Variants in SYNPR observed in about 807,000 individuals in gnomAD.
The protein encoded by SYNPR is synaptoporin.
SYNPR carries 23 observed loss-of-function variants against 32.9 expected under a neutral mutation model. The observed-to-expected ratio is 0.70, with a 90% CI of 0.50 to 0.99. SYNPR has a LOEUF of 0.99. SYNPR is among the 50% of genes least tolerant of loss of function. The pLI is 0.00. For synonymous variants in SYNPR, 146 were observed against 135.9 expected, an observed-to-expected ratio of 1.07 and a Z score of -0.52; for missense variants, 318 against 349.3, an observed-to-expected ratio of 0.91 and a Z score of 0.71.
At chr3:63,540,094 C>G (rs1399385540) in intron 3 of SYNPR, among the ~76,000 whole-genome samples, 2 of 152,114 alleles carry the variant, frequency 1.3e-5, no homozygotes, top group African/African-American at 4.8e-5. Flanking sequence ...TTTATTTCAT[C>G]AGTTATAATA....
chr3:63,329,295 G>A (rs754138768), intron 2 of SYNPR, among the ~76,000 whole-genome samples: 3 of 151,858 alleles, frequency 2.0e-5, no homozygotes, highest in African/African-American at 4.8e-5. Flanking sequence ...AATTTAATGG[G>A]GTAGCTACTC....
At chr3:63,473,827 C>A (rs565648274) in intron 2 of SYNPR, among the ~76,000 whole-genome samples, 1 of 152,130 alleles carries the variant, frequency 6.6e-6, no homozygotes, top group Non-Finnish European at 1.5e-5. Flanking sequence ...GACTAGAATG[C>A]GGTAAGCTAG....
At chr3:63,241,633 T>TA (rs1342204588) in intron 1 of SYNPR, among the ~76,000 whole-genome samples, 1 of 152,042 alleles carries the variant, frequency 6.6e-6, no homozygotes, top group Admixed American at 6.6e-5. Flanking sequence ...TTAAAGTTGT[T>TA]ACGCCTGGAA....
chr3:63,554,318 C>G (rs1271371701), intron 3 of SYNPR, among the ~76,000 whole-genome samples: 3 of 152,120 alleles, frequency 2.0e-5, no homozygotes, highest in Non-Finnish European at 4.4e-5. Context: ...AGGGCATTTC[C>G]TAGGTTTTCT....
chr3:63,387,500 T>A (rs1318089487), intron 2 of SYNPR, among the ~76,000 whole-genome samples: 1 of 152,258 alleles, frequency 6.6e-6, no homozygotes, highest in Admixed American at 6.5e-5. Context: ...CTTAGCACCA[T>A]TATGATCCTA....
chr3:63,531,565 C>G (rs1473443174), intron 3 of SYNPR, among the ~76,000 whole-genome samples: 3 of 152,162 alleles, frequency 2.0e-5, no homozygotes, highest in Non-Finnish European at 2.9e-5. Context: ...GCAATGACCT[C>G]GCTTCCATAT....
Position 63,416,399 on chromosome 3 carries a change from G to A in SYNPR, c.85-64433G>A, listed in dbSNP as rs374839786. Among the ~76,000 whole-genome samples, 13 of 152,192 alleles carry A rather than the reference G, an allele frequency of 8.5e-5. No homozygotes were observed. In the East Asian group the frequency reaches 2.1e-3, roughly 25 times the overall value. ...ATAGAAAAATTAGCCAGGCGTGGTG[G>A]TGCGTGCCTGTAGTCCCAGCTATTC... On this transcript the variant is annotated intron_variant, in intron 2 of 5. Transcript: ENST00000478300.
chr3:63,409,227 G>T (rs966065190), intron 2 of SYNPR, among the ~76,000 whole-genome samples: 1 of 151,842 alleles, frequency 6.6e-6, no homozygotes, highest in African/African-American at 2.4e-5. Flanking sequence ...CAAAGCTTTT[G>T]TTTCTCATGT....
intron 2 of SYNPR, among the ~76,000 whole-genome samples, chr3:63,301,438 A>T (rs547097554): frequency 6.6e-6 from 1 of 152,272 alleles, no homozygotes. Flanking sequence ...AGACTCCATT[A>T]TAAGGCTTTA....
chr3:63,280,073 A>G (rs1000491308), intron 2 of SYNPR, among the ~76,000 whole-genome samples: 3 of 152,234 alleles, frequency 2.0e-5, no homozygotes, highest in African/African-American at 7.2e-5. Flanking sequence ...CCTTTAGGGA[A>G]GAAAATAATA....
chr3:63,251,035 G>A (rs1284457771), intron 1 of SYNPR, among the ~76,000 whole-genome samples: 1 of 151,906 alleles, frequency 6.6e-6, no homozygotes, highest in African/African-American at 2.4e-5. Flanking sequence ...TAAAAGTTGT[G>A]GTCTCTGGGG....
intron 2 of SYNPR, among the ~76,000 whole-genome samples, chr3:63,321,484 A>G (rs1391679749): frequency 6.6e-6 from 1 of 152,060 alleles, no homozygotes; most frequent in Non-Finnish European, 1.5e-5. Flanking sequence ...AAGTCAAGTT[A>G]TATGTGGGCA....
intron 2 of SYNPR, among the ~76,000 whole-genome samples, chr3:63,304,551 T>A (rs908510871): frequency 6.6e-6 from 1 of 152,094 alleles, no homozygotes; most frequent in African/African-American, 2.4e-5. Context: ...TGTGAAAAGA[T>A]TTTTGTCTTT....
intron 2 of SYNPR, among the ~76,000 whole-genome samples, chr3:63,412,308 T>C (rs968041474): frequency 6.6e-6 from 1 of 151,950 alleles, no homozygotes; most frequent in Non-Finnish European, 1.5e-5. Context: ...TCAGGAAGAG[T>C]ATTGCACTGA....
intron 3 of SYNPR, among the ~76,000 whole-genome samples, chr3:63,532,168 A>C (rs984825071): frequency 2.6e-5 from 4 of 152,218 alleles, no homozygotes; most frequent in Non-Finnish European, 5.9e-5. Context: ...TATTCTATCA[A>C]ATTAAACCAT....
intron 3 of SYNPR, among the ~76,000 whole-genome samples, chr3:63,550,385 G>A (rs958735393): frequency 6.6e-6 from 1 of 151,548 alleles, no homozygotes; most frequent in African/African-American, 2.4e-5. Context: ...GTATATACAC[G>A]TGTGTTTGTG....
At chr3:63,556,396 C>T (rs1370307656) in intron 3 of SYNPR, 147 bp from the exon 4 acceptor site, 3 of 610,668 alleles carry the variant, frequency 4.9e-6, no homozygotes, top group Non-Finnish European at 8.4e-6. Context: ...GCTATAATGT[C>T]TGTAAATTTC....
intron 2 of SYNPR, among the ~76,000 whole-genome samples, chr3:63,280,179 T>C (rs1294353703): frequency 6.6e-6 from 1 of 152,196 alleles, no homozygotes; most frequent in Non-Finnish European, 1.5e-5. Flanking sequence ...CTCACCTATC[T>C]GAAATATTAG....
At chr3:63,394,046 A>C (rs2088178390) in intron 2 of SYNPR, among the ~76,000 whole-genome samples, 1 of 152,184 alleles carries the variant, frequency 6.6e-6, no homozygotes, top group South Asian at 2.1e-4. Context: ...GTCAGAATGT[A>C]ATCTCCCAAG....
Sources: gnomAD v4.1 joint callset for allele counts (sites outside exome capture counted in the v4.1 genomes callset) on GRCh38, gnomAD v4.1.1 for gene constraint, MANE v1.5 for transcripts, NCBI Gene and HGNC (gene_info 2026-07-23, HGNC 2026-07-21) for gene names.